SLFN12L: variants seen among roughly 807,000 people sequenced by gnomAD.
The protein encoded by SLFN12L is schlafen family member 12 like.
Under a neutral mutation model 34.8 loss-of-function variants are expected in SLFN12L, and 34 were observed. The observed-to-expected ratio is 0.98, with a 90% CI of 0.74 to 1.30. The LOEUF is 1.30. Ranked by LOEUF, SLFN12L falls within the 50% of genes most tolerant of loss-of-function variation. SLFN12L has a pLI of 0.00. For synonymous variants in SLFN12L, 259 were observed against 247.5 expected (o/e 1.05, Z -0.44); for missense variants, 703 against 696.2 (o/e 1.01, Z -0.11).
intron 2 of SLFN12L, among the ~76,000 whole-genome samples, chr17:35,507,299 C>T (rs1051373487): frequency 3.9e-5 from 6 of 152,176 alleles, no homozygotes; most frequent in Non-Finnish European, 5.9e-5. Flanking sequence ...GGGCCTGCTA[C>T]TTGGGCACAA....
chr17:35,516,194 T>C (rs1270768129), intron 2 of SLFN12L, among the ~76,000 whole-genome samples: 1 of 152,182 alleles, frequency 6.6e-6, no homozygotes, highest in Non-Finnish European at 1.5e-5. Flanking sequence ...TCACTACCAC[T>C]TCACAAGAAC....
intron 2 of SLFN12L, chr17:35,490,703 G>A: frequency 7.8e-7 from 1 of 1,276,280 alleles, no homozygotes; most frequent in Non-Finnish European, 1.1e-6. Context: ...GATCGTCAAA[G>A]GTTAGCTTAC....
chr17:35,481,601 C>T (rs1326004593), intron 2 of SLFN12L, among the ~76,000 whole-genome samples: 1 of 152,244 alleles, frequency 6.6e-6, no homozygotes, highest in East Asian at 1.9e-4. Context: ...GGAGATGGCT[C>T]ACACTCCTTA....
rs374073222 is a variant in SLFN12L, at chr17:35,467,959, G to C, written c.*6964C>G. ...AGGTCTCACTCTGTTACCCAGGCTG[G>C]AGTGCAGTGGCGTGATCACGATTCA... On this transcript the variant is annotated 3_prime_UTR_variant, in exon 5 of 5. Coordinates refer to ENST00000628453, the MANE Select transcript of SLFN12L (RefSeq NM_001363830.2). 5.6e-4 allele frequency among the ~76,000 whole-genome samples: 86 copies of C among 152,270 alleles called. No homozygotes were observed. The highest frequency in any genetic ancestry group is 1.8e-3 in the African/African-American group (74 of 41,554).
Position 35,465,237 on chromosome 17 carries a change from C to T in SLFN12L, c.*9686G>A, listed in dbSNP as rs1401847548. On this transcript the variant is annotated 3_prime_UTR_variant, in exon 5 of 5. Coordinates refer to ENST00000628453, the MANE Select transcript of SLFN12L (RefSeq NM_001363830.2). ...TGCCAAAATGCACCAATTGAGAAAC[C>T]TCGTGGACTTAATAAATACTCAAAT... 6.6e-6 allele frequency among the ~76,000 whole-genome samples: 1 copy of T among 152,150 alleles called. No individual in the cohort carries two copies. The highest frequency in any genetic ancestry group is 1.5e-5 in the Non-Finnish European group (1 of 68,034).
intron 1 of SLFN12L, among the ~76,000 whole-genome samples, chr17:35,536,142 G>T (rs2072459894): frequency 6.6e-6 from 1 of 152,230 alleles, no homozygotes; most frequent in East Asian, 1.9e-4. Context: ...CTTAATCATT[G>T]TGCAAACTGG....
intron 2 of SLFN12L, among the ~76,000 whole-genome samples, chr17:35,497,669 C>T (rs186139467): frequency 1.3e-5 from 2 of 152,260 alleles, no homozygotes; most frequent in East Asian, 3.9e-4. Context: ...CCAAAGCAAT[C>T]CGACAGTCTT....
chr17:35,511,505 G>A (rs1041610104), intron 2 of SLFN12L, among the ~76,000 whole-genome samples: 3 of 152,056 alleles, frequency 2.0e-5, no homozygotes, highest in African/African-American at 7.2e-5. Flanking sequence ...GGAGGCTGAC[G>A]CAGGAGGATC....
chr17:35,527,024 G>A (rs2072342332), intron 1 of SLFN12L, among the ~76,000 whole-genome samples: 1 of 151,360 alleles, frequency 6.6e-6, no homozygotes, highest in Admixed American at 6.6e-5. Context: ...ATCATAAAGG[G>A]GATATCACCA....
chr17:35,488,733 A>G (rs1030697460), intron 2 of SLFN12L, among the ~76,000 whole-genome samples: 1 of 152,172 alleles, frequency 6.6e-6, no homozygotes, highest in Non-Finnish European at 1.5e-5. Context: ...ATCTTAAGGT[A>G]CAGGCAGAGT....
intron 2 of SLFN12L, chr17:35,490,563 G>A (rs757048269): frequency 2.5e-5 from 21 of 830,904 alleles, no homozygotes; most frequent in Non-Finnish European, 3.4e-5. Context: ...GTCTGTCTGC[G>A]GATGGGGGCA....
chr17:35,490,304 A>T, intron 2 of SLFN12L: 1 of 1,462,786 alleles, frequency 6.8e-7, no homozygotes, highest in Non-Finnish European at 9.6e-7. Flanking sequence ...AGCTGCACTA[A>T]GAAGTCCAGA....
intron 2 of SLFN12L, among the ~76,000 whole-genome samples, chr17:35,512,347 A>T (rs12150326): frequency 0.08 from 10,670 of 133,232 alleles, 591 homozygotes; most frequent in African/African-American, 0.2. Context: ...GAGAGAATTT[A>T]AAAAAGAGCT....
chr17:35,479,294 T>A lies in SLFN12L; in HGVS notation c.988A>T (p.Lys330Ter). The A allele has an allele frequency of 6.3e-7, 1 of 1,589,834 alleles. No homozygotes were observed. Among genetic ancestry groups the A allele is most frequent in the Non-Finnish European group, 8.6e-7 (1 of 1,166,498 alleles). The change falls in exon 3 of 5, where the codon AAA becomes TAA. Residue 330 changes from lysine to a stop codon, truncating the protein, a stop_gained. Coordinates refer to ENST00000628453, the MANE Select transcript of SLFN12L (RefSeq NM_001363830.2). LOFTEE classifies it high-confidence loss of function. ...VEKGTINYLC[K>*]FLGVYDKGRL... ...CCTTTATCATATACTCCAAGGAATTTGCATAAGTAATTTATCGTCCCCTTC... is the reference window on the plus strand; with the variant it reads ...CCTTTATCATATACTCCAAGGAATTAGCATAAGTAATTTATCGTCCCCTTC...
intron 2 of SLFN12L, chr17:35,515,173 C>G (rs947627040): frequency 6.5e-6 from 4 of 615,084 alleles, no homozygotes; most frequent in Non-Finnish European, 1.3e-5. Context: ...GGCGATGGCT[C>G]CGTTCCGACC....
rs1443552659 is a variant in SLFN12L at position 35,470,734 on chromosome 17, G to T, written c.*4189C>A. The T allele has an allele frequency of 6.6e-6, 1 of 151,674 alleles. No individual in the cohort carries two copies. The highest frequency in any genetic ancestry group is 1.5e-5 in the Non-Finnish European group (1 of 67,998). 9.4% of individuals were successfully genotyped at this position (151,674 alleles called of 1,614,324 possible). On this transcript the variant is annotated 3_prime_UTR_variant, in exon 5 of 5. Coordinates refer to ENST00000628453, the MANE Select transcript of SLFN12L (RefSeq NM_001363830.2). ...CTGGGATACACGTGCAGAATGTGCA[G>T]GTTTGTTACATAGGTATACATGTGC...
At chr17:35,494,535 G>A (rs1914968443) in intron 2 of SLFN12L, among the ~76,000 whole-genome samples, 1 of 152,210 alleles carries the variant, frequency 6.6e-6, no homozygotes, top group Non-Finnish European at 1.5e-5. Context: ...AGCTTGTGCT[G>A]GAGGCCTTGG....
intron 2 of SLFN12L, chr17:35,490,869 A>G: frequency 3.3e-6 from 3 of 917,628 alleles, no homozygotes; most frequent in Non-Finnish European, 5.5e-6. Context: ...AGGTTTACTT[A>G]TGTCCAGAAG....
At chr17:35,521,574 A>G (rs565840915) in intron 2 of SLFN12L, among the ~76,000 whole-genome samples, 71 of 152,306 alleles carry the variant, frequency 4.7e-4, no homozygotes, top group African/African-American at 1.7e-3. Flanking sequence ...TCAAAACCCA[A>G]TTGAGCCTGG....
Sources: allele counts gnomAD v4.1 joint callset (sites outside exome capture counted in the v4.1 genomes callset), GRCh38; gene constraint gnomAD v4.1.1; transcripts MANE v1.5; gene names NCBI Gene and HGNC (gene_info 2026-07-23, HGNC 2026-07-21).